The following JAK1 variants were observed in gnomAD, a reference collection of about 807,000 sequenced individuals.
JAK1 encodes the protein tyrosine-protein kinase JAK1.
Under a neutral mutation model 136.6 loss-of-function variants are expected in JAK1, and 16 were observed. That is an observed-to-expected ratio of 0.12 (90% CI 0.08 to 0.18). The LOEUF is 0.18. Among genes scored for constraint, JAK1 ranks in the 10% least tolerant of loss-of-function variants. The pLI, the probability that JAK1 is intolerant of heterozygous loss-of-function variation, is 1.00. For missense variants in JAK1, 859 were observed against 1,450.1 expected, an observed-to-expected ratio of 0.59 and a Z score of 6.62; for synonymous variants, 492 against 519.5, an observed-to-expected ratio of 0.95 and a Z score of 0.72.
intron 12 of JAK1, among the ~76,000 whole-genome samples, chr1:64,848,895 C>A (rs377075327): frequency 7.2e-5 from 11 of 152,318 alleles, no homozygotes; most frequent in African/African-American, 1.7e-4. Context: ...TCTGTCAGAG[C>A]CGAATGGCGA....
intron 7 of JAK1, among the ~76,000 whole-genome samples, chr1:64,865,577 T>A (rs1014275478): frequency 1.3e-5 from 2 of 152,200 alleles, no homozygotes; most frequent in Admixed American, 6.5e-5. Context: ...AGTTACATCA[T>A]CTCTTTGAGC....
chr1:64,968,932 A>AG (rs1646425361), upstream of JAK1, among the ~76,000 whole-genome samples: 1 of 9,256 alleles, frequency 1.1e-4, no homozygotes, highest in African/African-American at 1.7e-4. Flanking sequence ...ACTCCCTCTC[A>AG]AAAAAAAAAA....
chr1:64,841,412 TC>T, intron 18 of JAK1, 38 bp downstream of exon 18: 1 of 1,613,680 alleles, frequency 6.2e-7, no homozygotes, highest in South Asian at 1.1e-5. Context: ...CTCCTGTTTC[TC>T]CCCAAGCTGG....
intron 2 of JAK1, among the ~76,000 whole-genome samples, chr1:65,012,095 C>T (rs1646854329): frequency 6.6e-6 from 1 of 152,224 alleles, no homozygotes; most frequent in South Asian, 2.1e-4. Context: ...CAGAACCTGG[C>T]TCAGCTGAGA....
At chr1:65,015,466 G>GT (rs1414744387) in intron 2 of JAK1, among the ~76,000 whole-genome samples, 1 of 151,162 alleles carries the variant, frequency 6.6e-6, no homozygotes, top group Non-Finnish European at 1.5e-5. Flanking sequence ...TATAAACAGA[G>GT]TTAAAAAAAG....
chr1:64,862,416 A>G (rs368207068), intron 8 of JAK1, among the ~76,000 whole-genome samples: 35 of 152,332 alleles, frequency 2.3e-4, no homozygotes, highest in Non-Finnish European at 4.6e-4. Context: ...AATAGGTGGT[A>G]TTTGTGAAGT....
intron 1 of JAK1, among the ~76,000 whole-genome samples, chr1:64,933,281 C>T (rs988795591): frequency 5.3e-5 from 8 of 152,210 alleles, no homozygotes; most frequent in Non-Finnish European, 1.0e-4. Flanking sequence ...CTCCTACCCC[C>T]GTTTTGAACT....
At chr1:64,867,765 C>T (rs113192093) in intron 6 of JAK1, among the ~76,000 whole-genome samples, 3,271 of 152,206 alleles carry the variant, frequency 0.021, 145 homozygotes, top group African/African-American at 0.076. Context: ...CCGAGGCGGG[C>T]GGATCATCTG....
intron 8 of JAK1, among the ~76,000 whole-genome samples, chr1:64,864,188 GCT>G (rs1553162070): frequency 6.6e-6 from 1 of 152,172 alleles, no homozygotes; most frequent in Non-Finnish European, 1.5e-5. Flanking sequence ...CTCACCAGCC[GCT>G]CTCTCTGCAT....
At position 64,984,973 on chromosome 1, in the gene JAK1, C is replaced by T; in HGVS notation, c.-78+59507G>A. On this transcript the variant is annotated intron_variant, in intron 2 of 25. Coordinates refer to the JAK1 transcript ENST00000671954. This position sits in a 1 kb window ranked among gnomAD's most constrained non-coding sequence, Gnocchi z 4.1. ...TGGTCTGGCCCAATTTCAAAGAAGA[C>T]CACAAAGACCAAGATAGCCCCAATA... is the stretch of plus-strand genomic sequence containing the variant. 1.1e-6 allele frequency: 1 copy of T among 936,324 alleles called. No homozygotes were observed. Among genetic ancestry groups the T allele is most frequent in the Non-Finnish European group, 1.8e-6 (1 of 566,378 alleles). The allele number at this position is 936,324 out of a possible 1,614,324, so 58.0% of individuals were successfully genotyped here.
intron 1 of JAK1, among the ~76,000 whole-genome samples, chr1:64,891,630 C>A (rs961499772): frequency 1.3e-5 from 2 of 152,312 alleles, no homozygotes; most frequent in South Asian, 4.1e-4. Context: ...ACCCATAGAG[C>A]CACCGAAAAT....
chr1:64,946,747 C>A (rs541279422), intron 1 of JAK1, among the ~76,000 whole-genome samples: 1 of 138,480 alleles, frequency 7.2e-6, no homozygotes, highest in Non-Finnish European at 1.5e-5. Flanking sequence ...AGGGTCTCAA[C>A]GAGATATTTG....
intron 1 of JAK1, among the ~76,000 whole-genome samples, chr1:64,896,635 A>T (rs1029855114): frequency 1.3e-5 from 2 of 152,002 alleles, no homozygotes; most frequent in Non-Finnish European, 2.9e-5. Flanking sequence ...CTCAGTAAGA[A>T]GAAAAGAAAA....
At chr1:65,048,872 G>A (rs906484293) in intron 1 of JAK1, among the ~76,000 whole-genome samples, 7 of 152,078 alleles carry the variant, frequency 4.6e-5, no homozygotes, top group African/African-American at 1.5e-4. Context: ...TACGAGGAAG[G>A]GTTTCTTTCT....
upstream of JAK1, among the ~76,000 whole-genome samples, chr1:64,968,931 CAAA>C (rs10708307): frequency 2.0e-4 from 13 of 64,034 alleles, no homozygotes; most frequent in Admixed American, 3.8e-4. Flanking sequence ...GACTCCCTCT[CAAA>C]AAAAAAAAAA....
In JAK1 at chr1:64,902,627, T is replaced by G. The variant is rs537553592; in HGVS notation, c.-77-16286A>C. Among the ~76,000 whole-genome samples the G allele has an allele frequency of 6.3e-5, 9 of 142,802 alleles. No individual in the cohort carries two copies. The East Asian group carries it at 1.5e-3, about 23-fold the overall frequency. 93.7% of individuals were successfully genotyped at this position (142,802 alleles called of 152,430 possible). A position where few individuals can be genotyped will look rare whatever the true frequency, so the allele number is the denominator to read the frequency against. ...GTGTGTGTGTTATGGCATGTTAAGA[T>G]GGAAGAGACTTGAGAACATTTAAAT... On this transcript the variant is annotated intron_variant, in intron 1 of 24. Transcript: ENST00000342505.
intron 1 of JAK1, among the ~76,000 whole-genome samples, chr1:65,051,183 GGTTT>G (rs2100859113): frequency 1.2e-5 from 1 of 84,402 alleles, no homozygotes; most frequent in East Asian, 2.8e-4. Flanking sequence ...AGGTATGTCA[GGTTT>G]TTTTTTTTTT....
Position 64,909,489 on chromosome 1 carries a change from G to A in JAK1, c.-77-23148C>T, listed in dbSNP as rs140536027. ...ACAAAGAAACAGAAAGAGATGGAGG[G>A]AGAGACAGTGTCACAAGAATTATTC... On this transcript the variant is annotated intron_variant, in intron 1 of 24. Coordinates refer to ENST00000342505, the MANE Select transcript of JAK1 (RefSeq NM_002227.4). 1.4e-3 allele frequency among the ~76,000 whole-genome samples: 213 copies of A among 152,110 alleles called. 2 individuals carry two copies. Among genetic ancestry groups the A allele is most frequent in the African/African-American group, 5.0e-3 (207 of 41,488 alleles).
At chr1:64,879,450 C>G (rs1159939788) in intron 3 of JAK1, among the ~76,000 whole-genome samples, 2 of 152,154 alleles carry the variant, frequency 1.3e-5, no homozygotes, top group East Asian at 3.9e-4. Context: ...AGAGCCTTAT[C>G]AAATCCAGCT....
Sources: allele counts gnomAD v4.1 joint callset (sites outside exome capture counted in the v4.1 genomes callset), GRCh38; gene constraint gnomAD v4.1.1; non-coding constraint Gnocchi (gnomAD v3.1); transcripts MANE v1.5; gene names NCBI Gene and HGNC (gene_info 2026-07-23, HGNC 2026-07-21).